RORB: variants seen among roughly 807,000 people sequenced by gnomAD.
RORB encodes RAR related orphan receptor B.
Under a neutral mutation model 59.1 loss-of-function variants are expected in RORB, and 6 were observed. That is an observed-to-expected ratio of 0.10 (90% CI 0.06 to 0.20). RORB has a LOEUF of 0.20. Ranked by LOEUF, RORB falls within the 10% of genes least tolerant of loss-of-function variation. The probability of loss-of-function intolerance (pLI) is 1.00; values close to 1 mark genes in which losing one functional copy is unlikely to be tolerated. For missense variants in RORB, 320 were observed against 560.5 expected (o/e 0.57, Z 4.33); for synonymous variants, 215 against 204.5 (o/e 1.05, Z -0.44).
intron 1 of RORB, among the ~76,000 whole-genome samples, chr9:74,567,790 G>C (rs1248316249): frequency 6.6e-6 from 1 of 152,138 alleles, no homozygotes; most frequent in African/African-American, 2.4e-5. Flanking sequence ...TCCTCTCTCT[G>C]AGCGAGTGGT....
At chr9:74,625,596 G>T (rs1281882047) in intron 1 of RORB, among the ~76,000 whole-genome samples, 3 of 152,200 alleles carry the variant, frequency 2.0e-5, no homozygotes, top group Non-Finnish European at 4.4e-5. Flanking sequence ...AGATGACAAA[G>T]TGAGACCCTG....
chr9:74,624,523 C>T (rs1823478262), intron 1 of RORB, among the ~76,000 whole-genome samples: 1 of 152,172 alleles, frequency 6.6e-6, no homozygotes, highest in South Asian at 2.1e-4. Context: ...TCTTATTTTT[C>T]CAAGATCCTA....
chr9:74,648,850 C>G (rs1237954945), intron 4 of RORB, among the ~76,000 whole-genome samples: 1 of 152,210 alleles, frequency 6.6e-6, no homozygotes, highest in Non-Finnish European at 1.5e-5. Flanking sequence ...AAAGAGTGAG[C>G]TGCTGTACAG....
chr9:74,632,591 A>G (rs1823637594), intron 2 of RORB, among the ~76,000 whole-genome samples: 2 of 152,252 alleles, frequency 1.3e-5, no homozygotes, highest in Non-Finnish European at 2.9e-5. Flanking sequence ...CAAAAACCTC[A>G]TTTGCAATAA....
intron 1 of RORB, among the ~76,000 whole-genome samples, chr9:74,546,586 T>C (rs1238235975): frequency 6.6e-6 from 1 of 152,190 alleles, no homozygotes; most frequent in Non-Finnish European, 1.5e-5. Flanking sequence ...TGCTTAATCA[T>C]GGACAGCTCA....
chr9:74,537,795 T>C (rs1826343546), intron 1 of RORB, among the ~76,000 whole-genome samples: 2 of 152,108 alleles, frequency 1.3e-5, no homozygotes, highest in African/African-American at 2.4e-5. Context: ...ATAATGGACC[T>C]GAAAAATACC....
intron 7 of RORB, among the ~76,000 whole-genome samples, chr9:74,666,099 C>A (rs527269625): frequency 1.3e-5 from 2 of 151,952 alleles, no homozygotes; most frequent in Non-Finnish European, 2.9e-5. Context: ...CCAGCCTGGC[C>A]AACATGGTGA....
chr9:74,673,399 C>T (rs1036863203), intron 9 of RORB, among the ~76,000 whole-genome samples: 1 of 151,998 alleles, frequency 6.6e-6, no homozygotes, highest in Non-Finnish European at 1.5e-5. Context: ...ATTCTGCTTG[C>T]TTGGGAGGAT....
intron 1 of RORB, among the ~76,000 whole-genome samples, chr9:74,578,267 C>T (rs1034091102): frequency 6.6e-6 from 1 of 151,986 alleles, no homozygotes; most frequent in African/African-American, 2.4e-5. Context: ...AAACAGGGGT[C>T]TAGAAAGGGG....
intron 9 of RORB, 98 bp from the exon 10 acceptor site, chr9:74,685,365 T>G (rs1824623272): frequency 9.0e-6 from 9 of 996,612 alleles, no homozygotes; most frequent in Non-Finnish European, 1.3e-5. Flanking sequence ...TTCCAAAGCC[T>G]TTTACCTTCA....
intron 1 of RORB, among the ~76,000 whole-genome samples, chr9:74,536,199 A>G (rs570369853): frequency 1.3e-5 from 2 of 152,182 alleles, no homozygotes; most frequent in East Asian, 3.9e-4. Flanking sequence ...AGGTTTAAAA[A>G]AGAGAGGAGT....
At chr9:74,639,412 G>A (rs12338521) in intron 3 of RORB, among the ~76,000 whole-genome samples, 12,244 of 152,072 alleles carry the variant, frequency 0.081, 733 homozygotes, top group African/African-American at 0.16. Flanking sequence ...ATAGACAAGA[G>A]GAATCAGGGT....
chr9:74,539,772 T>C (rs182673184), intron 1 of RORB, among the ~76,000 whole-genome samples: 1 of 151,040 alleles, frequency 6.6e-6, no homozygotes, highest in African/African-American at 2.4e-5. Context: ...ATGAATTCCA[T>C]GTGAAGGTAG....
intron 1 of RORB, among the ~76,000 whole-genome samples, chr9:74,536,084 T>C (rs1175169268): frequency 6.6e-6 from 1 of 152,092 alleles, no homozygotes; most frequent in Non-Finnish European, 1.5e-5. Context: ...TCTGCTTACA[T>C]GAAGTATTCT....
intron 1 of RORB, among the ~76,000 whole-genome samples, chr9:74,514,250 C>T (rs934412994): frequency 6.6e-6 from 1 of 152,036 alleles, no homozygotes; most frequent in Admixed American, 6.6e-5. Context: ...AAACAGTATC[C>T]TCCTCAAAGA....
Position 74,631,270 on chromosome 9 carries a change from G to T in RORB, c.93+903G>T, listed in dbSNP as rs190764513. Among the ~76,000 whole-genome samples the T allele has an allele frequency of 9.8e-4, 150 of 152,322 alleles. 1 individual carries two copies. The highest frequency in any genetic ancestry group is 3.0e-3 in the African/African-American group (124 of 41,578). ...ATAATAGCCAGGGGAAATCAAAACA[G>T]TTCTATAGCTAACGCTAAAGGACCA... is the stretch of plus-strand genomic sequence containing the variant. On this transcript the variant is annotated intron_variant, in intron 2 of 9. Transcript: ENST00000376896.
At chr9:74,587,493 G>C (rs2118275256) in intron 1 of RORB, among the ~76,000 whole-genome samples, 1 of 152,272 alleles carries the variant, frequency 6.6e-6, no homozygotes, top group Non-Finnish European at 1.5e-5. Flanking sequence ...TTAGGAACCT[G>C]TAAAAACAAA....
At chr9:74,538,102 G>A (rs781529004) in intron 1 of RORB, among the ~76,000 whole-genome samples, 4 of 151,912 alleles carry the variant, frequency 2.6e-5, no homozygotes, top group Non-Finnish European at 5.9e-5. Flanking sequence ...TTACTGTTAC[G>A]TTACAATTGC....
intron 1 of RORB, among the ~76,000 whole-genome samples, chr9:74,530,404 C>T (rs564249905): frequency 1.3e-5 from 2 of 152,076 alleles, no homozygotes; most frequent in East Asian, 1.9e-4. Flanking sequence ...GTGAAAACTT[C>T]GCATTGCTTT....
Sources: gnomAD v4.1 joint callset for allele counts (sites outside exome capture counted in the v4.1 genomes callset) on GRCh38, gnomAD v4.1.1 for gene constraint, MANE v1.5 for transcripts, NCBI Gene and HGNC (gene_info 2026-07-23, HGNC 2026-07-21) for gene names.